MAPK8: variants seen among roughly 807,000 people sequenced by gnomAD.
The protein encoded by MAPK8 is mitogen-activated protein kinase 8, also known as JUN N-terminal kinase.
MAPK8 carries 13 observed loss-of-function variants against 52.9 expected under a neutral mutation model. The ratio of observed to expected loss-of-function variants is 0.25; its 90% CI spans 0.16 to 0.39. The LOEUF is 0.39. Among genes scored for constraint, MAPK8 ranks in the 10% least tolerant of loss-of-function variants. The pLI is 1.00. For missense variants in MAPK8, 300 were observed against 519.2 expected, an observed-to-expected ratio of 0.58 and a Z score of 4.10; for synonymous variants, 191 against 169.8, an observed-to-expected ratio of 1.12 and a Z score of -0.97.
chr10:48,366,268 C>A lies in MAPK8; in HGVS notation c.-49-35344C>A, dbSNP rs532980389. Reference sequence around the variant, plus strand: ...TAAAAACTAAACTAAACAAAAAAAACCCCTAAGAACCTTTAAACTTAACAA... The same window carrying A: ...TAAAAACTAAACTAAACAAAAAAAAACCCTAAGAACCTTTAAACTTAACAA... On this transcript the variant is annotated intron_variant, in intron 1 of 11. Coordinates refer to ENST00000374189, the MANE Select transcript of MAPK8 (RefSeq NM_001323329.2). Among the ~76,000 whole-genome samples the A allele has an allele frequency of 1.4e-4, 22 of 151,908 alleles. No homozygotes were observed. In the East Asian group the frequency reaches 1.9e-3, roughly 13 times the overall value.
At chr10:48,403,527 C>A (rs1009608548) in intron 2 of MAPK8, among the ~76,000 whole-genome samples, 3 of 151,608 alleles carry the variant, frequency 2.0e-5, no homozygotes, top group Non-Finnish European at 4.4e-5. Context: ...AATAGAATGG[C>A]ATTTATTATC....
At chr10:48,320,283 G>A (rs565376607) in intron 1 of MAPK8, among the ~76,000 whole-genome samples, 49 of 129,500 alleles carry the variant, frequency 3.8e-4, no homozygotes, top group African/African-American at 1.4e-3. Flanking sequence ...TGTTACCCAG[G>A]CTGGAGTGCA....
chr10:48,326,726 A>C (rs951128480), intron 1 of MAPK8, among the ~76,000 whole-genome samples: 6 of 152,188 alleles, frequency 3.9e-5, no homozygotes, highest in African/African-American at 1.4e-4. Context: ...GCTAAACATG[A>C]ATTCTTAATG....
chr10:48,355,896 A>G (rs2132479502), intron 1 of MAPK8, among the ~76,000 whole-genome samples: 1 of 152,314 alleles, frequency 6.6e-6, no homozygotes, highest in South Asian at 2.1e-4. Flanking sequence ...ATTTACCGTG[A>G]ATAAGGTCAC....
In MAPK8 at chr10:48,352,884, C is replaced by G. The variant is rs148794872; in HGVS notation, c.-50+46063C>G. On this transcript the variant is annotated intron_variant, in intron 1 of 11. Transcript: ENST00000374189. Reference sequence around the variant, plus strand: ...AAATCCTAAGTAATCTACAAAAAATCTGTGGAACTAATAATGTAGCAGGAT... The same window carrying G: ...AAATCCTAAGTAATCTACAAAAAATGTGTGGAACTAATAATGTAGCAGGAT... 1.4e-3 allele frequency among the ~76,000 whole-genome samples: 218 copies of G among 152,250 alleles called. 1 individual carries two copies. The highest frequency in any genetic ancestry group is 4.9e-3 in the African/African-American group (202 of 41,548).
At chr10:48,429,135 A>G (rs2043946713) in intron 10 of MAPK8, among the ~76,000 whole-genome samples, 1 of 151,942 alleles carries the variant, frequency 6.6e-6, no homozygotes, top group African/African-American at 2.4e-5. Flanking sequence ...ATTTTTAAAA[A>G]AAAATTTTGT....
chr10:48,413,297 G>A (rs1044202247), intron 5 of MAPK8, among the ~76,000 whole-genome samples: 3 of 152,094 alleles, frequency 2.0e-5, no homozygotes, highest in Non-Finnish European at 2.9e-5. Context: ...GTTCATTTGG[G>A]CTACAGCCAG....
chr10:48,404,500 G>A (rs1297538119), intron 2 of MAPK8, among the ~76,000 whole-genome samples: 1 of 152,064 alleles, frequency 6.6e-6, no homozygotes, highest in Admixed American at 6.5e-5. Flanking sequence ...GAAGTACAAG[G>A]TTAAGGATTT....
chr10:48,336,038 G>A (rs916938369), intron 1 of MAPK8, among the ~76,000 whole-genome samples: 1 of 152,142 alleles, frequency 6.6e-6, no homozygotes, highest in African/African-American at 2.4e-5. Context: ...TTGTCATAGT[G>A]TGGTTTGAGG....
chr10:48,395,822 A>AC (rs2041859322), intron 1 of MAPK8, among the ~76,000 whole-genome samples: 1 of 152,096 alleles, frequency 6.6e-6, no homozygotes, highest in Non-Finnish European at 1.5e-5. Flanking sequence ...CCAGAAGTAG[A>AC]CCCGTACAAG....
At chr10:48,417,041 G>A (rs2043104235) in intron 5 of MAPK8, among the ~76,000 whole-genome samples, 1 of 152,076 alleles carries the variant, frequency 6.6e-6, no homozygotes, top group Non-Finnish European at 1.5e-5. Flanking sequence ...ATGATGGAAT[G>A]TTTAGTAGCA....
intron 1 of MAPK8, among the ~76,000 whole-genome samples, chr10:48,324,503 G>GTT (rs370766776): frequency 0.024 from 2,845 of 118,020 alleles, 164 homozygotes; most frequent in Admixed American, 0.051. Flanking sequence ...CTGTTTTCTA[G>GTT]TTTTTTTTTT....
Position 48,373,178 on chromosome 10 carries a change from G to A in MAPK8, c.-49-28434G>A, listed in dbSNP as rs1188764903. Among the ~76,000 whole-genome samples the A allele has an allele frequency of 3.3e-4, 50 of 152,038 alleles. 1 individual carries two copies. Among genetic ancestry groups the A allele is most frequent in the Admixed American group, 3.3e-3 (50 of 15,260 alleles). On this transcript the variant is annotated intron_variant, in intron 1 of 11. Transcript: ENST00000374189. ...GATAAATAAAATCCTTTACAGACAA[G>A]CAACTGCTGAGAGATTTTGTCACCA...
At chr10:48,353,013 G>A (rs1225236551) in intron 1 of MAPK8, among the ~76,000 whole-genome samples, 1 of 151,928 alleles carries the variant, frequency 6.6e-6, no homozygotes, top group Non-Finnish European at 1.5e-5. Flanking sequence ...TAAAAAAAAA[G>A]TGAAATACCT....
intron 1 of MAPK8, among the ~76,000 whole-genome samples, chr10:48,375,048 G>A (rs949773650): frequency 1.3e-5 from 2 of 151,674 alleles, no homozygotes; most frequent in African/African-American, 4.9e-5. Flanking sequence ...CCATGATCAA[G>A]TCTGCTTCAT....
chr10:48,411,337 A>G (rs900491243), intron 5 of MAPK8, among the ~76,000 whole-genome samples: 5 of 152,136 alleles, frequency 3.3e-5, no homozygotes, highest in Admixed American at 1.3e-4. Context: ...GTATGTGGCA[A>G]TTTAGTTGTG....
At chr10:48,319,558 C>T (rs548545221) in intron 1 of MAPK8, among the ~76,000 whole-genome samples, 33 of 149,940 alleles carry the variant, frequency 2.2e-4, no homozygotes, top group Admixed American at 6.6e-4. Flanking sequence ...GGCGTGATCC[C>T]GGCTCTCTAC....
intron 1 of MAPK8, among the ~76,000 whole-genome samples, chr10:48,395,974 A>G (rs1460755827): frequency 6.6e-6 from 1 of 152,168 alleles, no homozygotes; most frequent in Non-Finnish European, 1.5e-5. Flanking sequence ...AACAGTTATC[A>G]TAGATCTAAA....
At chr10:48,395,313 T>C (rs1211000842) in intron 1 of MAPK8, among the ~76,000 whole-genome samples, 1 of 152,024 alleles carries the variant, frequency 6.6e-6, no homozygotes, top group Non-Finnish European at 1.5e-5. Context: ...GATAAACATA[T>C]TATTAATGGT....
Sources: allele counts gnomAD v4.1 joint callset (sites outside exome capture counted in the v4.1 genomes callset), GRCh38; gene constraint gnomAD v4.1.1; transcripts MANE v1.5; gene names NCBI Gene and HGNC (gene_info 2026-07-23, HGNC 2026-07-21).